Variants in PVT1 observed in about 807,000 individuals in gnomAD.
PVT1 encodes the protein CXCR4/PVT1 fusion.
chr8:127,978,298 G>A (rs1816843328), intron 3 of PVT1, among the ~76,000 whole-genome samples: 1 of 151,516 alleles, frequency 6.6e-6, no homozygotes, highest in Non-Finnish European at 1.5e-5. Flanking sequence ...GATTATAGGT[G>A]TGTACCACCA....
chr8:127,961,683 T>C (rs73355603), intron 3 of PVT1, among the ~76,000 whole-genome samples: 2,875 of 152,372 alleles, frequency 0.019, 95 homozygotes, highest in African/African-American at 0.065. Flanking sequence ...TACACATTAC[T>C]GTTCTCCAAA....
At chr8:127,909,628 T>C (rs1815867387) in intron 3 of PVT1, among the ~76,000 whole-genome samples, 1 of 152,168 alleles carries the variant, frequency 6.6e-6, no homozygotes, top group African/African-American at 2.4e-5. Context: ...ACTGAGTGGA[T>C]TGGACCTTTA....
At chr8:127,883,009 G>A (rs1179499330) in intron 2 of PVT1, among the ~76,000 whole-genome samples, 6 of 151,114 alleles carry the variant, frequency 4.0e-5, no homozygotes, top group Admixed American at 6.6e-5. Flanking sequence ...GCACATACAC[G>A]CACACACATG....
chr8:127,874,193 C>G (rs544151841), intron 2 of PVT1, among the ~76,000 whole-genome samples: 1 of 152,102 alleles, frequency 6.6e-6, no homozygotes, highest in Non-Finnish European at 1.5e-5. Context: ...GTAGAGGTGA[C>G]AGGCTTAGGA....
intron 4 of PVT1, among the ~76,000 whole-genome samples, chr8:128,044,015 A>ATT (rs763124076): frequency 1.3e-3 from 161 of 127,392 alleles, no homozygotes; most frequent in African/African-American, 2.2e-3. Flanking sequence ...TTATTTATTT[A>ATT]TTTTTTTTTT....
chr8:127,924,710 G>A lies in PVT1; in HGVS notation n.782+33712G>A, dbSNP rs182697651. Among the ~76,000 whole-genome samples the A allele has an allele frequency of 5.9e-3, 890 of 151,960 alleles. 16 individuals carry two copies. The highest frequency in any genetic ancestry group is 0.02 in the African/African-American group (841 of 41,474). On this transcript the variant is annotated intron_variant and non_coding_transcript_variant, in intron 3 of 10. Transcript: ENST00000651587. ...GTATTTTTAGTGGAGATGGGGTTTCGCCGTGTTAGCCAGGATGGTCTTGAT... is the reference window on the plus strand; with the variant it reads ...GTATTTTTAGTGGAGATGGGGTTTCACCGTGTTAGCCAGGATGGTCTTGAT...
At chr8:127,854,358 G>A (rs1248521632) in intron 2 of PVT1, among the ~76,000 whole-genome samples, 3 of 152,212 alleles carry the variant, frequency 2.0e-5, no homozygotes, top group Non-Finnish European at 4.4e-5. Flanking sequence ...CTGGCTCTGC[G>A]CTGGGCCGCT....
At chr8:128,015,791 G>T (rs12548633) in intron 4 of PVT1, among the ~76,000 whole-genome samples, 2 of 139,936 alleles carry the variant, frequency 1.4e-5, no homozygotes. Flanking sequence ...AAAAAAAAAA[G>T]GTTTGAGAAG....
chr8:128,027,731 C>T (rs1421929133), intron 4 of PVT1, among the ~76,000 whole-genome samples: 1 of 152,174 alleles, frequency 6.6e-6, no homozygotes, highest in Non-Finnish European at 1.5e-5. Context: ...GCTAGGTTCT[C>T]AGCACTACTG....
intron 5 of PVT1, among the ~76,000 whole-genome samples, chr8:128,075,281 T>C (rs947347528): frequency 2.6e-5 from 4 of 152,186 alleles, no homozygotes; most frequent in Non-Finnish European, 5.9e-5. Flanking sequence ...GTAATATATC[T>C]CATCATGCTT....
intron 2 of PVT1, among the ~76,000 whole-genome samples, chr8:127,815,873 T>G (rs940322322): frequency 1.3e-5 from 2 of 152,066 alleles, no homozygotes; most frequent in African/African-American, 4.8e-5. Flanking sequence ...TGCCTGTAAT[T>G]CCAGCACTTT....
intron 4 of PVT1, among the ~76,000 whole-genome samples, chr8:128,000,116 C>T (rs746101817): frequency 1.3e-5 from 2 of 152,178 alleles, no homozygotes; most frequent in Non-Finnish European, 2.9e-5. Flanking sequence ...TCCTTTCCCT[C>T]CCATGCCACT....
At chr8:128,098,848 G>A (rs1814461889) in intron 6 of PVT1, among the ~76,000 whole-genome samples, 1 of 152,178 alleles carries the variant, frequency 6.6e-6, no homozygotes, top group South Asian at 2.1e-4. Flanking sequence ...CCTGGCCCCT[G>A]TGGACAGGGA....
chr8:127,936,586 C>T lies in PVT1; in HGVS notation n.782+45588C>T, dbSNP rs553960953. Among the ~76,000 whole-genome samples, 4 of 152,308 alleles carry T rather than the reference C, an allele frequency of 2.6e-5. No homozygotes were observed. The South Asian group carries it at 8.3e-4, about 32-fold the overall frequency. ...ATCTGTGCATCCTACCGCTCCACTC[C>T]ATGTCCTGGCCTTGGAGAAATCATT... On this transcript the variant is annotated intron_variant and non_coding_transcript_variant, in intron 3 of 10. Transcript: ENST00000651587.
At chr8:128,086,501 C>T (rs1814260169) in intron 5 of PVT1, among the ~76,000 whole-genome samples, 1 of 152,194 alleles carries the variant, frequency 6.6e-6, no homozygotes, top group Non-Finnish European at 1.5e-5. Flanking sequence ...GACCATCAGA[C>T]ACCAGAGCCT....
intron 4 of PVT1, among the ~76,000 whole-genome samples, chr8:128,017,847 T>G (rs1471312642): frequency 1.3e-5 from 2 of 152,164 alleles, no homozygotes; most frequent in South Asian, 4.1e-4. Flanking sequence ...GGGCTCTCAC[T>G]CCTTGTGTCG....
intron 2 of PVT1, among the ~76,000 whole-genome samples, chr8:127,821,254 T>A (rs1814725257): frequency 6.6e-6 from 1 of 152,150 alleles, no homozygotes; most frequent in Non-Finnish European, 1.5e-5. Context: ...TGCTGTCCCA[T>A]ATGGTAGCCG....
chr8:128,085,513 C>T (rs1025324657), intron 5 of PVT1, among the ~76,000 whole-genome samples: 1 of 151,934 alleles, frequency 6.6e-6, no homozygotes, highest in Non-Finnish European at 1.5e-5. Flanking sequence ...ACACTCTGGG[C>T]ATCAGGTTTC....
chr8:128,055,250 GTTTAT>G (rs775268845), intron 4 of PVT1, among the ~76,000 whole-genome samples: 1 of 152,126 alleles, frequency 6.6e-6, no homozygotes, highest in Non-Finnish European at 1.5e-5. Flanking sequence ...CAAGCTTTGT[GTTTAT>G]TTGTTTTATT....
Sources: allele counts gnomAD v4.1 joint callset (sites outside exome capture counted in the v4.1 genomes callset), GRCh38; gene constraint gnomAD v4.1.1; transcripts MANE v1.5; gene names NCBI Gene and HGNC (gene_info 2026-07-23, HGNC 2026-07-21).